Variants in CCDC171 observed in about 807,000 individuals in gnomAD.
CCDC171 encodes the protein coiled-coil domain-containing protein 171.
CCDC171 carries 177 observed loss-of-function variants against 168.2 expected under a neutral mutation model. The observed-to-expected ratio is 1.05, with a 90% CI of 0.93 to 1.19. CCDC171 has a LOEUF of 1.19. Ranked by LOEUF, CCDC171 falls within the 50% of genes most tolerant of loss-of-function variation. The pLI, the probability that CCDC171 is intolerant of heterozygous loss-of-function variation, is 0.00. For synonymous variants in CCDC171, 687 were observed against 540.8 expected (o/e 1.27, Z -3.75); for missense variants, 1,991 against 1,539.0 (o/e 1.29, Z -4.91).
At chr9:15,831,448 C>A (rs1343709164) in intron 21 of CCDC171, among the ~76,000 whole-genome samples, 1 of 152,152 alleles carries the variant, frequency 6.6e-6, no homozygotes, top group South Asian at 2.1e-4. Context: ...TCTTCTTATT[C>A]TATTAATGTA....
intron 10 of CCDC171, among the ~76,000 whole-genome samples, chr9:15,690,114 T>A (rs1470146231): frequency 6.6e-6 from 1 of 151,900 alleles, no homozygotes; most frequent in Admixed American, 6.6e-5. Context: ...CTGGGGATAG[T>A]GGTGGGAGAA....
At chr9:16,022,563 C>T (rs16933965) in exon 5 of CCDC171, 25,643 of 152,370 alleles carry the variant, frequency 0.17, 2,398 homozygotes, top group African/African-American at 0.25. Context: ...ATCTGGGTTC[C>T]TGGACAAACA....
chr9:15,616,855 C>G (rs763449333), intron 6 of CCDC171, among the ~76,000 whole-genome samples: 1 of 152,258 alleles, frequency 6.6e-6, no homozygotes, highest in Non-Finnish European at 1.5e-5. Flanking sequence ...TTTGGCCATT[C>G]TCACATTGCT....
intron 3 of CCDC171, among the ~76,000 whole-genome samples, chr9:15,979,414 G>A (rs535698065): frequency 6.6e-6 from 1 of 152,266 alleles, no homozygotes; most frequent in East Asian, 1.9e-4. Context: ...TGTGACATTA[G>A]CAATTGGATT....
intron 21 of CCDC171, among the ~76,000 whole-genome samples, chr9:15,835,384 T>G (rs2060398648): frequency 6.6e-6 from 1 of 152,182 alleles, no homozygotes; most frequent in South Asian, 2.1e-4. Context: ...GTGTCTAAAT[T>G]TAAGATTTTG....
At chr9:16,004,852 C>T (rs1487900216) in intron 3 of CCDC171, among the ~76,000 whole-genome samples, 2 of 151,958 alleles carry the variant, frequency 1.3e-5, no homozygotes, top group African/African-American at 4.8e-5. Flanking sequence ...TGGTAGATCT[C>T]ATTTCCCTGG....
intron 24 of CCDC171, among the ~76,000 whole-genome samples, chr9:15,904,357 G>A (rs1464743657): frequency 1.3e-5 from 2 of 152,196 alleles, no homozygotes; most frequent in African/African-American, 4.8e-5. Flanking sequence ...CCAGAAGACA[G>A]TGGGGGCTAA....
At chr9:15,677,579 C>T (rs1161176317) in intron 9 of CCDC171, among the ~76,000 whole-genome samples, 2 of 151,726 alleles carry the variant, frequency 1.3e-5, no homozygotes, top group South Asian at 2.1e-4. Context: ...ACAGTGACAA[C>T]ATTTAAATTT....
At chr9:15,863,667 G>T (rs1350288740) in intron 23 of CCDC171, among the ~76,000 whole-genome samples, 2 of 151,710 alleles carry the variant, frequency 1.3e-5, no homozygotes, top group Non-Finnish European at 2.9e-5. Flanking sequence ...AACTTTATAT[G>T]CACATTTAAA....
chr9:15,557,060 G>C (rs572781209), intron 1 of CCDC171, among the ~76,000 whole-genome samples: 27 of 152,194 alleles, frequency 1.8e-4, no homozygotes, highest in African/African-American at 5.3e-4. Flanking sequence ...TAGATGTGTG[G>C]TATTATTTCT....
intron 21 of CCDC171, among the ~76,000 whole-genome samples, chr9:15,826,294 C>A (rs1383975650): frequency 6.6e-6 from 1 of 150,388 alleles, no homozygotes; most frequent in African/African-American, 2.5e-5. Context: ...CTTCTGAGAT[C>A]TTCATATTTT....
rs1170236013 is a variant in CCDC171, at chr9:15,821,320, T to C, written c.3268-25382T>C. 2.2e-4 allele frequency among the ~76,000 whole-genome samples: 26 copies of C among 116,790 alleles called. 7 individuals carry two copies. The highest frequency in any genetic ancestry group is 2.0e-3 in the Admixed American group (25 of 12,262). 76.6% of individuals were successfully genotyped at this position (116,790 alleles called of 152,430 possible). On this transcript the variant is annotated intron_variant, in intron 21 of 25. Transcript: ENST00000380701. Reference sequence around the variant, plus strand: ...CTCACCACTCCTATTCAACATAGTGTTGGAAGTTCTGGCCAGGGCAATCAG... The same window carrying C: ...CTCACCACTCCTATTCAACATAGTGCTGGAAGTTCTGGCCAGGGCAATCAG...
intron 3 of CCDC171, among the ~76,000 whole-genome samples, chr9:15,985,833 G>A (rs1221300062): frequency 1.3e-5 from 2 of 152,222 alleles, no homozygotes; most frequent in African/African-American, 4.8e-5. Context: ...CCCACCTGGA[G>A]CTTTGGAATT....
intron 10 of CCDC171, among the ~76,000 whole-genome samples, chr9:15,687,483 A>G (rs1296396438): frequency 6.6e-6 from 1 of 152,156 alleles, no homozygotes; most frequent in Non-Finnish European, 1.5e-5. Flanking sequence ...GAAAAGAGAA[A>G]AAGAAGAGCA....
chr9:15,709,257 G>A (rs551813331), intron 11 of CCDC171, among the ~76,000 whole-genome samples: 2 of 152,232 alleles, frequency 1.3e-5, no homozygotes, highest in East Asian at 3.9e-4. Flanking sequence ...AATGACATAA[G>A]GAAGGAGTCT....
chr9:15,607,135 A>C (rs952685997), intron 6 of CCDC171, among the ~76,000 whole-genome samples: 1 of 152,128 alleles, frequency 6.6e-6, no homozygotes, highest in South Asian at 2.1e-4. Context: ...TGAACATACA[A>C]CCCCCCCAGG....
Position 15,561,736 on chromosome 9 carries a change from A to G in CCDC171, c.-111-2242A>G, listed in dbSNP as rs1056769678. Among the ~76,000 whole-genome samples the G allele has an allele frequency of 5.3e-5, 8 of 152,140 alleles. No individual in the cohort carries two copies. In the East Asian group the frequency reaches 1.5e-3, roughly 29 times the overall value. ...CTGACCGTATCAACTTTGGTCCTTCATTGATTTAGTCTTCCTAAAACACAC... is the reference window on the plus strand; with the variant it reads ...CTGACCGTATCAACTTTGGTCCTTCGTTGATTTAGTCTTCCTAAAACACAC... On this transcript the variant is annotated intron_variant, in intron 1 of 25. Coordinates refer to ENST00000380701, the MANE Select transcript of CCDC171 (RefSeq NM_173550.4).
chr9:15,891,886 G>A (rs1054456232), intron 24 of CCDC171, among the ~76,000 whole-genome samples: 3 of 152,028 alleles, frequency 2.0e-5, no homozygotes, highest in African/African-American at 7.2e-5. Flanking sequence ...GCACTAATAC[G>A]GGAATCACTG....
At chr9:16,032,970 T>C (rs1374831626) in intron 6 of CCDC171, among the ~76,000 whole-genome samples, 2 of 152,098 alleles carry the variant, frequency 1.3e-5, no homozygotes, top group Admixed American at 6.5e-5. Flanking sequence ...TCCACATTCT[T>C]AGGAGGGCAA....
Sources: allele counts gnomAD v4.1 joint callset (sites outside exome capture counted in the v4.1 genomes callset), GRCh38; gene constraint gnomAD v4.1.1; transcripts MANE v1.5; gene names NCBI Gene and HGNC (gene_info 2026-07-23, HGNC 2026-07-21).